The following RAB32 variants were observed in gnomAD, a reference collection of about 807,000 sequenced individuals.
The protein encoded by RAB32 is ras-related protein Rab-32.
Under a neutral mutation model 17.5 loss-of-function variants are expected in RAB32, and 17 were observed. That is an observed-to-expected ratio of 0.97 (90% CI 0.67 to 1.46). The LOEUF is 1.46. RAB32 is among the 40% of genes most tolerant of loss of function. RAB32 has a pLI of 0.00. For synonymous variants in RAB32, 115 were observed against 111.1 expected (o/e 1.04, Z -0.22); for missense variants, 288 against 284.3 (o/e 1.01, Z -0.09).
At chr6:146,551,309 A>G (rs1779895735) in intron 2 of RAB32, among the ~76,000 whole-genome samples, 1 of 152,214 alleles carries the variant, frequency 6.6e-6, no homozygotes. Context: ...AGAAAATCAC[A>G]GAAAGAAAGC....
At chr6:146,545,851 T>C (rs1268064801) in intron 1 of RAB32, among the ~76,000 whole-genome samples, 2 of 152,240 alleles carry the variant, frequency 1.3e-5, no homozygotes, top group African/African-American at 4.8e-5. Flanking sequence ...ATCTGCAGCA[T>C]AGCTGAGGTT....
At chr6:146,551,518 C>T (rs559767508) in intron 2 of RAB32, among the ~76,000 whole-genome samples, 2 of 151,754 alleles carry the variant, frequency 1.3e-5, no homozygotes, top group South Asian at 4.2e-4. Context: ...TTCTTCTGGA[C>T]ACTCATGCCC....
At chr6:146,545,135 C>T (rs1405404624) in intron 1 of RAB32, among the ~76,000 whole-genome samples, 2 of 151,794 alleles carry the variant, frequency 1.3e-5, no homozygotes, top group Non-Finnish European at 2.9e-5. Flanking sequence ...CAAGTGTGGT[C>T]GTGCGTGCCT....
At chr6:146,547,525 T>C (rs549024031) in intron 1 of RAB32, among the ~76,000 whole-genome samples, 1 of 152,238 alleles carries the variant, frequency 6.6e-6, no homozygotes, top group South Asian at 2.1e-4. Flanking sequence ...ATAAACTATA[T>C]AATTTATGCC....
Position 146,549,616 on chromosome 6 carries a change from C to T in RAB32, c.403C>T (p.Pro135Ser), listed in dbSNP as rs759813571. 2.5e-6 allele frequency: 4 copies of T among 1,613,966 alleles called. No homozygotes were observed. Among genetic ancestry groups the T allele is most frequent in the African/African-American group, 1.3e-5 (1 of 74,872 alleles). The change falls in exon 2 of 3, where the codon CCT becomes TCT. Residue 135 changes from proline (P) to serine (S), a missense_variant. Coordinates refer to ENST00000367495, the MANE Select transcript of RAB32 (RefSeq NM_006834.5). ...DSKVHLPNGSPIPAVLLANKC... is the reference protein window; with the variant it reads ...DSKVHLPNGSSIPAVLLANKC... ...TAAAGTTCATCTTCCAAATGGCAGC[C>T]CTATCCCTGCTGTCCTCTTGGCTAA...
chr6:146,549,279 A>G (rs1779865408), intron 1 of RAB32, among the ~76,000 whole-genome samples, 185 bp from the exon 2 acceptor site: 1 of 152,208 alleles, frequency 6.6e-6, no homozygotes, highest in Non-Finnish European at 1.5e-5. Flanking sequence ...CTTAAACCAA[A>G]TTATCAGACA....
chr6:146,545,513 A>G (rs1364572114), intron 1 of RAB32, among the ~76,000 whole-genome samples: 1 of 152,158 alleles, frequency 6.6e-6, no homozygotes, highest in East Asian at 1.9e-4. Flanking sequence ...CTTGTCATTT[A>G]TAGCTTGTTA....
intron 2 of RAB32, among the ~76,000 whole-genome samples, chr6:146,550,031 A>G (rs1182507987): frequency 2.4e-4 from 37 of 152,208 alleles, no homozygotes; most frequent in Non-Finnish European, 1.5e-5. Context: ...CTTCTCATGC[A>G]ACTAGAGTGG....
intron 1 of RAB32, among the ~76,000 whole-genome samples, chr6:146,544,340 AC>A (rs1034532172): frequency 3.5e-4 from 54 of 152,172 alleles, no homozygotes; most frequent in Middle Eastern, 3.4e-3. Flanking sequence ...CAGGTCCTGC[AC>A]GCCAGAGCTC....
chr6:146,549,750 T>A lies in RAB32; in HGVS notation c.528+9T>A, dbSNP rs774934123. ...TTGAAACCTCTGCAAAGGTGAGATC[T>A]GCTTTGCTTATGCATCTTTTGCTTT... On this transcript the variant is annotated intron_variant, in intron 2 of 2. Coordinates refer to ENST00000367495, the MANE Select transcript of RAB32 (RefSeq NM_006834.5). 10 of 1,609,376 alleles carry A rather than the reference T, an allele frequency of 6.2e-6. No individual in the cohort carries two copies. In the Admixed American group the frequency reaches 1.2e-4, roughly 19 times the overall value.
At chr6:146,549,289 A>G (rs188404435) in intron 1 of RAB32, among the ~76,000 whole-genome samples, 175 bp from the exon 2 acceptor site, 1 of 152,226 alleles carries the variant, frequency 6.6e-6, no homozygotes, top group Non-Finnish European at 1.5e-5. Context: ...ATTATCAGAC[A>G]CATCTGCTCT....
rs753524771 is a variant in RAB32 at position 146,549,666 on chromosome 6, T to A, written c.453T>A (p.Ser151Arg). Reference protein sequence around the residue: ...LANKCDQNKDSSQSPSQVDQF... With the variant: ...LANKCDQNKDRSQSPSQVDQF... ...ACAAATGTGACCAGAACAAGGACAG[T>A]AGCCAGAGTCCTTCCCAGGTGGACC... Residue 151 changes from serine to arginine, a missense_variant, in exon 2 of 3, where the codon AGT (serine) becomes AGA (arginine). Transcript: ENST00000367495. 1 of 1,614,212 alleles carries A rather than the reference T, an allele frequency of 6.2e-7. No homozygotes were observed. The highest frequency in any genetic ancestry group is 8.5e-7 in the Non-Finnish European group (1 of 1,180,016).
At chr6:146,544,243 A>C in intron 1 of RAB32, 122 bp downstream of exon 1, 4 of 1,318,730 alleles carry the variant, frequency 3.0e-6, no homozygotes, top group Non-Finnish European at 4.0e-6. Context: ...GAGAAGAGAG[A>C]GGCCCAATCC....
intron 2 of RAB32, among the ~76,000 whole-genome samples, chr6:146,550,832 A>G (rs1383562892): frequency 4.6e-5 from 7 of 152,090 alleles, no homozygotes; most frequent in African/African-American, 1.2e-4. Context: ...ACAGATAAAC[A>G]TTATACCATA....
chr6:146,550,732 G>C (rs909140016), intron 2 of RAB32, among the ~76,000 whole-genome samples: 1 of 145,658 alleles, frequency 6.9e-6, no homozygotes, highest in African/African-American at 2.5e-5. Context: ...TTTGGGGGGG[G>C]GGTTACGTGC....
Position 146,546,635 on chromosome 6 carries a change from C to T in RAB32, c.250+2514C>T, listed in dbSNP as rs1433662325. On this transcript the variant is annotated intron_variant, in intron 1 of 2. Transcript: ENST00000367495. Reference sequence around the variant, plus strand: ...TGATGGCTGCTCCACAAACTTCCCCCAGGGCTAAGCATACTTGCCTTATGT... The same window carrying T: ...TGATGGCTGCTCCACAAACTTCCCCTAGGGCTAAGCATACTTGCCTTATGT... Among the ~76,000 whole-genome samples, 7 of 152,182 alleles carry T rather than the reference C, an allele frequency of 4.6e-5. No individual in the cohort carries two copies. In the East Asian group the frequency reaches 5.8e-4, roughly 13 times the overall value.
intron 1 of RAB32, among the ~76,000 whole-genome samples, chr6:146,546,307 A>G (rs1406876849): frequency 6.6e-6 from 1 of 152,144 alleles, no homozygotes; most frequent in Non-Finnish European, 1.5e-5. Context: ...CAGACCAGCA[A>G]TTTACAAAAT....
chr6:146,544,289 C>T (rs1170647508), intron 1 of RAB32, among the ~76,000 whole-genome samples, 168 bp downstream of exon 1: 1 of 152,126 alleles, frequency 6.6e-6, no homozygotes. Flanking sequence ...CGGCTGGACT[C>T]GGTGGGGCCC....
At chr6:146,544,324 T>G (rs1382223305) in intron 1 of RAB32, among the ~76,000 whole-genome samples, 1 of 151,380 alleles carries the variant, frequency 6.6e-6, no homozygotes, top group East Asian at 2.0e-4. Context: ...GCAGTAGGAG[T>G]TGGAGCAGGT....
Sources: allele counts gnomAD v4.1 joint callset (sites outside exome capture counted in the v4.1 genomes callset), GRCh38; gene constraint gnomAD v4.1.1; transcripts MANE v1.5; gene names NCBI Gene and HGNC (gene_info 2026-07-23, HGNC 2026-07-21).